The following AK5 variants were observed in gnomAD, a reference collection of about 807,000 sequenced individuals.
AK5 encodes the protein adenylate kinase isoenzyme 5.
In AK5, 27 loss-of-function variants were observed where a neutral mutation model predicts 69.5. The observed-to-expected ratio is 0.39, with a 90% CI of 0.29 to 0.54. The LOEUF (loss-of-function observed/expected upper bound fraction) is 0.54, where lower values mean the gene tolerates loss of function less well. AK5 is among the 20% of genes least tolerant of loss of function. The probability of loss-of-function intolerance (pLI) is 0.71; values close to 1 mark genes in which losing one functional copy is unlikely to be tolerated. For missense variants in AK5, 531 were observed against 700.4 expected (o/e 0.76, Z 2.73); for synonymous variants, 260 against 244.4 (o/e 1.06, Z -0.60).
intron 5 of AK5, 147 bp downstream of exon 5, chr1:77,298,094 A>G (rs149188734): frequency 2.8e-5 from 13 of 459,722 alleles, no homozygotes; most frequent in African/African-American, 2.6e-4. Context: ...GGGTTGGCAG[A>G]AGGTCATTTC....
At chr1:77,538,473 G>C (rs1557662480) in intron 13 of AK5, among the ~76,000 whole-genome samples, 1 of 151,278 alleles carries the variant, frequency 6.6e-6, no homozygotes, top group African/African-American at 2.4e-5. Context: ...TCCACCTTTT[G>C]AGCAGCCTGG....
At chr1:77,295,640 T>C (rs1367364463) in intron 3 of AK5, among the ~76,000 whole-genome samples, 2 of 150,524 alleles carry the variant, frequency 1.3e-5, no homozygotes, top group African/African-American at 2.4e-5. Flanking sequence ...CATCATTTTA[T>C]GATGAGATTT....
intron 8 of AK5, among the ~76,000 whole-genome samples, chr1:77,425,520 G>C (rs542280991): frequency 6.6e-6 from 1 of 152,230 alleles, no homozygotes; most frequent in African/African-American, 2.4e-5. Flanking sequence ...CCAGGAGGCG[G>C]AGGTTGCAGT....
chr1:77,304,915 C>T (rs1163398861), intron 5 of AK5, among the ~76,000 whole-genome samples: 1 of 152,210 alleles, frequency 6.6e-6, no homozygotes, highest in Non-Finnish European at 1.5e-5. Flanking sequence ...AACCTCCAAA[C>T]TGTTCTTCCT....
intron 12 of AK5, among the ~76,000 whole-genome samples, chr1:77,526,552 T>C (rs746525436): frequency 5.3e-4 from 74 of 138,832 alleles, no homozygotes; most frequent in Middle Eastern, 7.7e-3. Flanking sequence ...CTTGGCTCAC[T>C]GCAAGCTCTG....
At position 77,342,481 on chromosome 1, in the gene AK5, GCCTGTAA is replaced by G. The variant is rs567055039; in HGVS notation, c.891+1917_891+1923del. Among the ~76,000 whole-genome samples the G allele has an allele frequency of 1.2e-4, 19 of 152,296 alleles. No homozygotes were observed. The South Asian group carries it at 3.7e-3, about 30-fold the overall frequency. On this transcript the variant is annotated intron_variant, in intron 6 of 13. Coordinates refer to ENST00000354567, the MANE Select transcript of AK5 (RefSeq NM_174858.3). ...GGAGTCAATAACAATGTGGATGACA[GCCTGTAA>G]CCTCACTGCTAAAACCAAATGAGCT...
chr1:77,353,594 C>T (rs6671137), intron 6 of AK5, among the ~76,000 whole-genome samples: 2,705 of 152,316 alleles, frequency 0.018, 81 homozygotes, highest in African/African-American at 0.061. Flanking sequence ...CTCTAAACTG[C>T]GCAGTCTTAC....
intron 5 of AK5, among the ~76,000 whole-genome samples, chr1:77,298,841 A>C (rs966536580): frequency 6.6e-6 from 1 of 152,124 alleles, no homozygotes; most frequent in African/African-American, 2.4e-5. Context: ...GCTTCAAAAA[A>C]ATTTTCTTTT....
intron 6 of AK5, among the ~76,000 whole-genome samples, chr1:77,353,624 C>T (rs1484637559): frequency 6.6e-6 from 1 of 152,236 alleles, no homozygotes; most frequent in African/African-American, 2.4e-5. Context: ...ACCCACTCTG[C>T]GTCTCACTCT....
intron 6 of AK5, among the ~76,000 whole-genome samples, chr1:77,354,310 A>T (rs1165722062): frequency 2.6e-5 from 4 of 152,218 alleles, no homozygotes; most frequent in African/African-American, 9.6e-5. Flanking sequence ...TTAGGCAATT[A>T]TTCTGAGATT....
intron 6 of AK5, among the ~76,000 whole-genome samples, chr1:77,367,981 T>A (rs1420361832): frequency 1.7e-5 from 2 of 116,776 alleles, no homozygotes; most frequent in African/African-American, 6.2e-5. Context: ...GCCTTGGCAT[T>A]TCTGAAGTGA....
At chr1:77,440,851 A>G (rs1401825438) in intron 8 of AK5, among the ~76,000 whole-genome samples, 1 of 152,074 alleles carries the variant, frequency 6.6e-6, no homozygotes, top group Non-Finnish European at 1.5e-5. Context: ...TCCCAGGTTT[A>G]AGCTATTCTT....
intron 8 of AK5, among the ~76,000 whole-genome samples, chr1:77,452,785 C>T (rs1653236583): frequency 1.3e-5 from 2 of 152,194 alleles, no homozygotes; most frequent in East Asian, 3.8e-4. Flanking sequence ...CAATATTATT[C>T]AAAACATCCA....
intron 8 of AK5, among the ~76,000 whole-genome samples, chr1:77,462,341 A>ATGGG (rs1175698058): frequency 6.6e-6 from 1 of 150,786 alleles, no homozygotes; most frequent in Non-Finnish European, 1.5e-5. Flanking sequence ...GGATGGATGG[A>ATGGG]TGGATAGGTG....
At chr1:77,431,062 A>G (rs549779153) in intron 8 of AK5, among the ~76,000 whole-genome samples, 31 of 152,266 alleles carry the variant, frequency 2.0e-4, no homozygotes, top group African/African-American at 7.5e-4. Flanking sequence ...AGGAACATTG[A>G]TAGGATAGGA....
intron 5 of AK5, among the ~76,000 whole-genome samples, chr1:77,306,152 A>G (rs1281663079): frequency 5.9e-5 from 9 of 152,120 alleles, no homozygotes; most frequent in East Asian, 1.9e-4. Context: ...CATCCTTGTC[A>G]TGTTTCCAAT....
At chr1:77,394,015 G>A (rs192355775) in intron 6 of AK5, among the ~76,000 whole-genome samples, 2,876 of 152,124 alleles carry the variant, frequency 0.019, 92 homozygotes, top group African/African-American at 0.066. Flanking sequence ...AGGAGTTCGA[G>A]ACCAGCCTGG....
rs868144450 is a variant in AK5 at position 77,340,495 on chromosome 1, G to A, written c.818G>A (p.Arg273Lys). 1.9e-6 allele frequency: 3 copies of A among 1,614,116 alleles called. No individual in the cohort carries two copies. The highest frequency in any genetic ancestry group is 1.6e-4 in the Middle Eastern group (1 of 6,062). Residue 273 changes from arginine (R) to lysine (K), a missense_variant, in exon 6 of 14, where the codon AGG (arginine) becomes AAG (lysine). By Grantham distance (26) the Arg-to-Lys change is conservative. Transcript: ENST00000354567. ...RPDDNVKATQ[R>K]RLMNFKQNAA... ...GACGACAATGTAAAAGCTACCCAAA[G>A]GAGACTAATGAACTTCAAGCAGAAT...
chr1:77,459,152 C>T (rs1653677019), intron 8 of AK5, among the ~76,000 whole-genome samples: 1 of 152,162 alleles, frequency 6.6e-6, no homozygotes, highest in Admixed American at 6.5e-5. Flanking sequence ...ATCACACTTC[C>T]ACACTTTTCT....
Sources: allele counts gnomAD v4.1 joint callset (sites outside exome capture counted in the v4.1 genomes callset), GRCh38; gene constraint gnomAD v4.1.1; transcripts MANE v1.5; gene names NCBI Gene and HGNC (gene_info 2026-07-23, HGNC 2026-07-21).